HNF4A: variants seen among roughly 807,000 people sequenced by gnomAD.
The protein encoded by HNF4A is hepatocyte nuclear factor 4 alpha, also known as hepatocyte nuclear factor 4-alpha.
A neutral mutation model predicts 52.4 loss-of-function variants in HNF4A; 15 were observed. That is an observed-to-expected ratio of 0.29 (90% CI 0.19 to 0.44). The LOEUF is 0.44. Ranked by LOEUF, HNF4A falls within the 20% of genes least tolerant of loss-of-function variation. The pLI, the probability that HNF4A is intolerant of heterozygous loss-of-function variation, is 1.00. For missense variants in HNF4A, 479 were observed against 647.2 expected (o/e 0.74, Z 2.82); for synonymous variants, 280 against 264.4 (o/e 1.06, Z -0.57).
chr20:44,402,597 G>C (rs187118966), intron 1 of HNF4A: 2 of 1,365,704 alleles, frequency 1.5e-6, no homozygotes, highest in Non-Finnish European at 9.8e-7. Flanking sequence ...CATCCCCTCC[G>C]ACATCACTGG....
intron 1 of HNF4A, among the ~76,000 whole-genome samples, chr20:44,368,073 AAT>A (rs1164435417): frequency 1.3e-3 from 141 of 111,738 alleles, no homozygotes; most frequent in South Asian, 6.6e-3. Context: ...TTGAGACATA[AAT>A]ATATATATAT....
At chr20:44,376,022 G>A (rs1385760836) in intron 1 of HNF4A, among the ~76,000 whole-genome samples, 4 of 152,084 alleles carry the variant, frequency 2.6e-5, no homozygotes, top group African/African-American at 4.8e-5. Context: ...TGAGGCAGGC[G>A]GATCACGAGG....
intron 1 of HNF4A, among the ~76,000 whole-genome samples, chr20:44,356,616 C>T (rs114522265): frequency 1.5e-3 from 224 of 152,270 alleles, no homozygotes; most frequent in African/African-American, 5.2e-3. Flanking sequence ...GAAAACGGTA[C>T]ACTGAAGAAC....
chr20:44,430,941 C>T lies in HNF4A; in HGVS notation c.*1276C>T, dbSNP rs558596485. On this transcript the variant is annotated 3_prime_UTR_variant, in exon 10 of 10. Transcript: ENST00000316099. ...GCACTGTCTTAAGGCATCTGACATG[C>T]ATCATCTCATTTAATCCTCCCTTCC... 6.6e-6 allele frequency: 1 copy of T among 151,900 alleles called. No individual in the cohort carries two copies. Among genetic ancestry groups the T allele is most frequent in the African/African-American group, 2.4e-5 (1 of 41,528 alleles). The allele number at this position is 151,900 out of a possible 1,614,324, so 9.4% of individuals were successfully genotyped here. A position where few individuals can be genotyped will look rare whatever the true frequency, so the allele number is the denominator to read the frequency against.
rs544063850 is a variant in HNF4A at position 44,417,968 on chromosome 20, C to CAAAAA, written c.649-444_649-440dup. Among the ~76,000 whole-genome samples the CAAAAA allele has an allele frequency of 8.1e-5, 6 of 74,436 alleles. No individual in the cohort carries two copies. In the East Asian group the frequency reaches 2.2e-3, roughly 28 times the overall value. 48.8% of individuals were successfully genotyped at this position (74,436 alleles called of 152,430 possible). A position where few individuals can be genotyped will look rare whatever the true frequency, so the allele number is the denominator to read the frequency against. On this transcript the variant is annotated intron_variant, in intron 5 of 9. Transcript: ENST00000316099. ...TGGGTGACAGAGTGAGACTCTGTCT[C>CAAAAA]AAAAAAAAAAAAAAAAATAGAATCT...
At chr20:44,385,252 G>A (rs1198992619) in intron 1 of HNF4A, among the ~76,000 whole-genome samples, 1 of 151,376 alleles carries the variant, frequency 6.6e-6, no homozygotes, top group Non-Finnish European at 1.5e-5. Context: ...GTGATCAGGT[G>A]ATTGAGAGGC....
At chr20:44,407,301 C>A in intron 2 of HNF4A, 80 bp from the exon 3 acceptor site, 1 of 1,064,158 alleles carries the variant, frequency 9.4e-7, no homozygotes, top group Non-Finnish European at 1.4e-6. Context: ...GGGGGGTCAA[C>A]TGGATAGCCA....
Position 44,390,264 on chromosome 20 carries a change from C to T in HNF4A, c.50-15794C>T, listed in dbSNP as rs79530319. 3.3e-3 allele frequency among the ~76,000 whole-genome samples: 508 copies of T among 152,244 alleles called. 4 individuals are homozygous for T. The highest frequency in any genetic ancestry group is 0.012 in the African/African-American group (482 of 41,536). ...GATAGGGCTCTCCCTGTGAATATGGCTCTGTCCAGTTGAGCAGAATACTGA... is the reference window on the plus strand; with the variant it reads ...GATAGGGCTCTCCCTGTGAATATGGTTCTGTCCAGTTGAGCAGAATACTGA... On this transcript the variant is annotated intron_variant, in intron 1 of 9. Transcript: ENST00000316673.
intron 1 of HNF4A, among the ~76,000 whole-genome samples, chr20:44,388,381 A>ACCCCCCCCCCCCCCCCCC (rs1227407354): frequency 1.3e-5 from 1 of 76,216 alleles, no homozygotes; most frequent in African/African-American, 9.5e-5. Flanking sequence ...GACCCCCCCC[A>ACCCCCCCCCCCCCCCCCC]CCCCCGTACA....
intron 8 of HNF4A, among the ~76,000 whole-genome samples, chr20:44,426,987 G>T (rs1431819675): frequency 6.6e-6 from 1 of 152,240 alleles, no homozygotes; most frequent in Non-Finnish European, 1.5e-5. Flanking sequence ...AGTGACTGAA[G>T]ATGACAAGGC....
chr20:44,402,675 T>A lies in HNF4A; in HGVS notation c.115+1188T>A, dbSNP rs982439221. On this transcript the variant is annotated intron_variant, in intron 1 of 9. Transcript: ENST00000316099. ...GGAAAAGAGGAGGCCCGGAAACCCC[T>A]CCTGGAGGGAAGAGCCCCATCGGTC... The A allele has an allele frequency of 2.3e-6, 3 of 1,278,382 alleles. No individual in the cohort carries two copies. In the African/African-American group the frequency reaches 4.5e-5, roughly 19 times the overall value. 79.2% of individuals were successfully genotyped at this position (1,278,382 alleles called of 1,614,324 possible).
intron 1 of HNF4A, among the ~76,000 whole-genome samples, chr20:44,359,901 A>G (rs1276834814): frequency 2.0e-5 from 3 of 152,158 alleles, no homozygotes; most frequent in Admixed American, 2.0e-4. Flanking sequence ...CCAATCTGGT[A>G]CTACCCTGAG....
At chr20:44,388,891 G>A (rs2063267901) in intron 1 of HNF4A, among the ~76,000 whole-genome samples, 1 of 152,200 alleles carries the variant, frequency 6.6e-6, no homozygotes, top group African/African-American at 2.4e-5. Flanking sequence ...CAGTTCCTTT[G>A]GCCTCTTCCC....
Position 44,380,555 on chromosome 20 carries a change from A to C in HNF4A, c.49+24702A>C, listed in dbSNP as rs1028840765. On this transcript the variant is annotated intron_variant, in intron 1 of 9. Transcript: ENST00000316673. ...GCAATCCTCCTGCCTCTGCCTCACAAAGTGGTGAGATTACAGACTTGAGCC... is the reference window on the plus strand; with the variant it reads ...GCAATCCTCCTGCCTCTGCCTCACACAGTGGTGAGATTACAGACTTGAGCC... Among the ~76,000 whole-genome samples the C allele has an allele frequency of 1.3e-5, 2 of 152,090 alleles. 1 individual carries two copies. The highest frequency in any genetic ancestry group is 4.8e-5 in the African/African-American group (2 of 41,414).
At position 44,429,822 on chromosome 20, in the gene HNF4A, C is replaced by T; in HGVS notation, c.*157C>T. On this transcript the variant is annotated 3_prime_UTR_variant, in exon 10 of 10. Coordinates refer to ENST00000316099, the MANE Select transcript of HNF4A (RefSeq NM_000457.6). ...GGGCCCGAGAACATGGCCTAAGGGCCACATCCCACTGCCACCCTTGACGCC... is the reference window on the plus strand; with the variant it reads ...GGGCCCGAGAACATGGCCTAAGGGCTACATCCCACTGCCACCCTTGACGCC... The T allele has an allele frequency of 1.4e-6, 1 of 731,042 alleles. No individual in the cohort carries two copies. Among genetic ancestry groups the T allele is most frequent in the Non-Finnish European group, 2.3e-6 (1 of 441,028 alleles). The allele number at this position is 731,042 out of a possible 1,614,324, so 45.3% of individuals were successfully genotyped here.
intron 5 of HNF4A, among the ~76,000 whole-genome samples, chr20:44,418,219 C>T (rs541879141): frequency 1.2e-4 from 19 of 152,276 alleles, no homozygotes; most frequent in South Asian, 1.0e-3. Flanking sequence ...ACAGAGTCAG[C>T]GCGAGGTCTC....
intron 1 of HNF4A, among the ~76,000 whole-genome samples, chr20:44,376,940 C>T (rs1188331102): frequency 6.6e-6 from 1 of 152,100 alleles, no homozygotes; most frequent in Admixed American, 6.6e-5. Flanking sequence ...AGTGGCTCAC[C>T]TGTAATTCCA....
chr20:44,419,673 G>T, intron 6 of HNF4A, 48 bp from the exon 7 acceptor site: 1 of 1,600,184 alleles, frequency 6.2e-7, no homozygotes, highest in Non-Finnish European at 8.5e-7. Flanking sequence ...GAGGAGAGGG[G>T]TCAACCCAAG....
Position 44,388,372 on chromosome 20 carries a change from A to ACC in HNF4A, c.50-17679_50-17678dup, listed in dbSNP as rs11484360. Among the ~76,000 whole-genome samples, 21 of 89,576 alleles carry ACC rather than the reference A, an allele frequency of 2.3e-4. 2 individuals carry two copies. The highest frequency in any genetic ancestry group is 1.6e-3 in the African/African-American group (19 of 12,126). 58.8% of individuals were successfully genotyped at this position (89,576 alleles called of 152,430 possible). On this transcript the variant is annotated intron_variant, in intron 1 of 9. Coordinates refer to the HNF4A transcript ENST00000316673. ...ACAAAGCCTGGAACCTTCCTCAAAGACCCCCCCCACCCCCGTACATTGGAA... is the reference window on the plus strand; with the variant it reads ...ACAAAGCCTGGAACCTTCCTCAAAGACCCCCCCCCCACCCCCGTACATTGGAA...
Sources: gnomAD v4.1 joint callset for allele counts (sites outside exome capture counted in the v4.1 genomes callset) on GRCh38, gnomAD v4.1.1 for gene constraint, MANE v1.5 for transcripts, NCBI Gene and HGNC (gene_info 2026-07-23, HGNC 2026-07-21) for gene names.